The following PLCB1 variants were observed in gnomAD, a reference collection of about 807,000 sequenced individuals.
The protein encoded by PLCB1 is 1-phosphatidylinositol 4,5-bisphosphate phosphodiesterase beta-1.
A neutral mutation model predicts 161.8 loss-of-function variants in PLCB1; 46 were observed. The ratio of observed to expected loss-of-function variants is 0.28; its 90% confidence interval spans 0.22 to 0.36. PLCB1 has a LOEUF of 0.36. Ranked by LOEUF, PLCB1 falls within the 10% of genes least tolerant of loss-of-function variation. PLCB1 has a pLI of 1.00. For missense variants in PLCB1, 1,016 were observed against 1,472.5 expected (o/e 0.69, Z 5.07); for synonymous variants, 517 against 503.7 (o/e 1.03, Z -0.35).
intron 3 of PLCB1, among the ~76,000 whole-genome samples, chr20:8,420,409 G>A (rs1979490085): frequency 6.6e-6 from 1 of 152,114 alleles, no homozygotes; most frequent in Admixed American, 6.6e-5. Context: ...TGGATTCAAG[G>A]GGTACGTGTA....
chr20:8,585,192 C>G (rs1211738200), intron 3 of PLCB1, among the ~76,000 whole-genome samples: 1 of 152,182 alleles, frequency 6.6e-6, no homozygotes, highest in Non-Finnish European at 1.5e-5. Context: ...GCTCTAGGTC[C>G]ATTTCTAGAT....
Position 8,697,241 on chromosome 20 carries a change from CTT to C in PLCB1, c.1010-384_1010-383del, listed in dbSNP as rs1471910253. On this transcript the variant is annotated intron_variant, in intron 10 of 31. Coordinates refer to ENST00000338037, the MANE Select transcript of PLCB1 (RefSeq NM_015192.4). ...ATCTTCTACTTCCTAGCATTGGAAA[CTT>C]GGGCAACCGAACTCTGTGCCATTTT... is the stretch of plus-strand genomic sequence containing the variant. Among the ~76,000 whole-genome samples, 6 of 152,128 alleles carry C rather than the reference CTT, an allele frequency of 3.9e-5. No individual in the cohort carries two copies. The South Asian group carries it at 8.3e-4, about 21-fold the overall frequency.
At chr20:8,540,920 A>G (rs926081849) in intron 3 of PLCB1, among the ~76,000 whole-genome samples, 1 of 151,920 alleles carries the variant, frequency 6.6e-6, no homozygotes, top group Non-Finnish European at 1.5e-5. Flanking sequence ...TATTTTTTTT[A>G]CTAATTTTTC....
rs117736158 is a variant in PLCB1 at position 8,616,509 on chromosome 20, G to A, written c.247-11785G>A. 4.2e-3 allele frequency among the ~76,000 whole-genome samples: 644 copies of A among 152,270 alleles called. 7 individuals carry two copies. The highest frequency in any genetic ancestry group is 6.8e-3 in the South Asian group (33 of 4,820). ...AAACTCTTTTGCACACATTAATGAG[G>A]CTGTTTGATTAATTTAATGCCCGTT... On this transcript the variant is annotated intron_variant, in intron 3 of 31. Coordinates refer to ENST00000338037, the MANE Select transcript of PLCB1 (RefSeq NM_015192.4).
At chr20:8,630,430 T>C (rs771265479) in intron 4 of PLCB1, among the ~76,000 whole-genome samples, 10 of 152,248 alleles carry the variant, frequency 6.6e-5, no homozygotes, top group African/African-American at 1.9e-4. Flanking sequence ...AATATTCTAA[T>C]GTCTTTAGAA....
intron 1 of PLCB1, among the ~76,000 whole-genome samples, chr20:8,139,081 G>T (rs1234405979): frequency 1.1e-5 from 1 of 91,650 alleles, no homozygotes; most frequent in African/African-American, 4.4e-5. Context: ...TATTTCAAGG[G>T]TTTTTTTTTT....
chr20:8,289,059 A>G (rs1857145272), intron 2 of PLCB1, among the ~76,000 whole-genome samples: 1 of 152,090 alleles, frequency 6.6e-6, no homozygotes, highest in South Asian at 2.1e-4. Flanking sequence ...GTCATGCCCA[A>G]CTGTAGTGGA....
intron 1 of PLCB1, among the ~76,000 whole-genome samples, chr20:8,138,305 C>CT (rs1022539079): frequency 6.6e-6 from 1 of 152,158 alleles, no homozygotes; most frequent in African/African-American, 2.4e-5. Context: ...GAACATTTTA[C>CT]TTTTTTATGT....
chr20:8,722,103 G>A (rs767422569), intron 14 of PLCB1, among the ~76,000 whole-genome samples: 7 of 151,730 alleles, frequency 4.6e-5, no homozygotes, highest in African/African-American at 7.3e-5. Context: ...ATATTGACAC[G>A]CATTTTTTAA....
intron 3 of PLCB1, among the ~76,000 whole-genome samples, chr20:8,482,092 ATTTTTTTT>A (rs199634903): frequency 1.9e-5 from 2 of 104,882 alleles, no homozygotes; most frequent in East Asian, 2.4e-4. Flanking sequence ...GCTTGAAGGA[ATTTTTTTT>A]TTTTTTTTTT....
chr20:8,388,344 A>G (rs970286524), intron 3 of PLCB1, among the ~76,000 whole-genome samples: 1 of 152,212 alleles, frequency 6.6e-6, no homozygotes, highest in Non-Finnish European at 1.5e-5. Context: ...TGGATGTTAT[A>G]CAACAGTGGT....
intron 2 of PLCB1, among the ~76,000 whole-genome samples, chr20:8,339,081 G>A (rs892716231): frequency 2.0e-5 from 3 of 152,148 alleles, no homozygotes; most frequent in Admixed American, 1.3e-4. Context: ...CCAGTTGTAA[G>A]CTATGATGAG....
intron 3 of PLCB1, among the ~76,000 whole-genome samples, chr20:8,617,905 G>A (rs975174970): frequency 6.6e-6 from 1 of 151,988 alleles, no homozygotes; most frequent in East Asian, 1.9e-4. Flanking sequence ...ATAGTGTTTG[G>A]TATAAATTAA....
Position 8,200,701 on chromosome 20 carries a change from A to T in PLCB1, c.177+50330A>T, listed in dbSNP as rs547525613. On this transcript the variant is annotated intron_variant, in intron 2 of 31. Coordinates refer to ENST00000338037, the MANE Select transcript of PLCB1 (RefSeq NM_015192.4). ...ATTCATAATCTATACATCACCACAC[A>T]CTTTTCCAACTGTTTTACCATTTTA... Among the ~76,000 whole-genome samples, 66 of 151,910 alleles carry T rather than the reference A, an allele frequency of 4.3e-4. 1 individual carries two copies. The highest frequency in any genetic ancestry group is 1.5e-3 in the African/African-American group (64 of 41,474).
Position 8,406,647 on chromosome 20 carries a change from G to A in PLCB1, c.246+35197G>A, listed in dbSNP as rs189568892. Among the ~76,000 whole-genome samples, 550 of 152,216 alleles carry A rather than the reference G, an allele frequency of 3.6e-3. 3 individuals are homozygous for A. The highest frequency in any genetic ancestry group is 4.5e-3 in the Non-Finnish European group (304 of 68,016). On this transcript the variant is annotated intron_variant, in intron 3 of 31. Transcript: ENST00000338037. ...CATTCCATCTACATAAGAGCCTGTC[G>A]AGCAGAGAGCCCTTTTCATAAAGAA...
intron 2 of PLCB1, among the ~76,000 whole-genome samples, chr20:8,340,761 A>C (rs925010824): frequency 1.3e-5 from 2 of 152,112 alleles, no homozygotes; most frequent in African/African-American, 4.8e-5. Context: ...CTCCCCTTTA[A>C]AAATGAATTG....
intron 31 of PLCB1, among the ~76,000 whole-genome samples, chr20:8,835,846 A>G (rs1986258042): frequency 6.6e-6 from 1 of 151,410 alleles, no homozygotes; most frequent in South Asian, 2.1e-4. Flanking sequence ...AACCACTTCA[A>G]AACTTAGTGA....
chr20:8,772,201 C>A (rs1370953447), intron 26 of PLCB1, among the ~76,000 whole-genome samples: 1 of 152,018 alleles, frequency 6.6e-6, no homozygotes, highest in Non-Finnish European at 1.5e-5. Context: ...AATACTCTGT[C>A]TTTCCCTGTT....
At chr20:8,674,875 G>A (rs959737879) in intron 9 of PLCB1, among the ~76,000 whole-genome samples, 1 of 152,146 alleles carries the variant, frequency 6.6e-6, no homozygotes, top group Non-Finnish European at 1.5e-5. Flanking sequence ...GAGTAAGAGG[G>A]ACTGGTGAAG....
Sources: allele counts gnomAD v4.1 joint callset (sites outside exome capture counted in the v4.1 genomes callset), GRCh38; gene constraint gnomAD v4.1.1; transcripts MANE v1.5; gene names NCBI Gene and HGNC (gene_info 2026-07-23, HGNC 2026-07-21).